Variants in ANK2 observed in about 807,000 individuals in gnomAD.
The protein encoded by ANK2 is ankyrin-2.
ANK2 carries 83 observed loss-of-function variants against 360.5 expected under a neutral mutation model. That is an observed-to-expected ratio of 0.23 (90% CI 0.19 to 0.28). The LOEUF is 0.28. Among genes scored for constraint, ANK2 ranks in the 10% least tolerant of loss-of-function variants. ANK2 has a pLI of 1.00. For missense variants in ANK2, 4,201 were observed against 4,795.7 expected (o/e 0.88, Z 3.66); for synonymous variants, 1,740 against 1,759.5 (o/e 0.99, Z 0.28).
Position 113,352,904 on chromosome 4 carries a change from T to C in ANK2, c.4427-141T>C, listed in dbSNP as rs187487817. Reference sequence around the variant, plus strand: ...CTTGTACCCTGAGGCCTTGTGGATCTACCATTCCCAGCCCATTTTGTTGCC... The same window carrying C: ...CTTGTACCCTGAGGCCTTGTGGATCCACCATTCCCAGCCCATTTTGTTGCC... On this transcript the variant is annotated intron_variant, in intron 37 of 45. Transcript: ENST00000357077. 5.7e-6 allele frequency: 5 copies of C among 877,254 alleles called. No homozygotes were observed. The East Asian group carries it at 7.6e-5, about 13-fold the overall frequency. 54.3% of individuals were successfully genotyped at this position (877,254 alleles called of 1,614,324 possible).
At chr4:113,001,348 A>G (rs2050596772) in intron 2 of ANK2, among the ~76,000 whole-genome samples, 1 of 151,608 alleles carries the variant, frequency 6.6e-6, no homozygotes, top group South Asian at 2.1e-4. Context: ...AAAAAAAAAA[A>G]AAAGGTGAAA....
chr4:113,194,049 T>G (rs1017907965), intron 2 of ANK2, among the ~76,000 whole-genome samples: 1 of 152,222 alleles, frequency 6.6e-6, no homozygotes, highest in Admixed American at 6.5e-5. Context: ...TGTTTAATAA[T>G]AAGTATTTGG....
chr4:112,850,808 G>A (rs906310711), intron 1 of ANK2, among the ~76,000 whole-genome samples: 3 of 151,842 alleles, frequency 2.0e-5, no homozygotes, highest in East Asian at 1.9e-4. Flanking sequence ...AAGTCACTGC[G>A]CCTGACCTTC....
chr4:112,915,236 A>G (rs529482147), intron 2 of ANK2, among the ~76,000 whole-genome samples: 1 of 152,212 alleles, frequency 6.6e-6, no homozygotes, highest in South Asian at 2.1e-4. Flanking sequence ...ATCCTCAGGG[A>G]CTCAAAGTTC....
intron 2 of ANK2, among the ~76,000 whole-genome samples, chr4:113,017,067 C>T (rs1190324401): frequency 6.6e-6 from 1 of 152,172 alleles, no homozygotes; most frequent in Non-Finnish European, 1.5e-5. Flanking sequence ...ATGTTATGAA[C>T]ACCTACAGTG....
At chr4:113,030,444 T>C (rs2060159139) in intron 2 of ANK2, among the ~76,000 whole-genome samples, 1 of 152,126 alleles carries the variant, frequency 6.6e-6, no homozygotes, top group African/African-American at 2.4e-5. Context: ...AATATGTCTG[T>C]CAGATTTGTC....
At chr4:112,805,130 A>T in the ANK2 span, among the ~76,000 whole-genome samples, 2 of 152,198 alleles carry the variant, frequency 1.3e-5, no homozygotes, top group Non-Finnish European at 2.9e-5. Flanking sequence ...TCATCCCTGA[A>T]TGCGAAGTAG....
intron 1 of ANK2, among the ~76,000 whole-genome samples, chr4:112,890,556 GTTTTTTTTTTTTT>G (rs754680934): frequency 2.4e-4 from 16 of 67,458 alleles, no homozygotes; most frequent in African/African-American, 7.2e-4. Flanking sequence ...CATTTCTGTG[GTTTTTTTTTTTTT>G]TTTTTTTTTT....
In ANK2 at chr4:113,278,473, C is replaced by T. The variant is rs1227348149; in HGVS notation, c.1796C>T (p.Pro599Leu). ...CACCCTTTACAGAACGGCCTTACCC[C>T]GCTCCATGTTGCTGCTCATTATGAC... ...ADSAGKNGLT[P>L]LHVAAHYDNQ... is the part of the protein sequence containing the mutation. Residue 599 changes from proline (P) to leucine (L), a missense_variant, in exon 17 of 46, where the codon CCG becomes CTG. By Grantham distance (98) the Pro-to-Leu change is moderately conservative. This residue lies in a region of ANK2 where 1,268 missense variants were observed against 1,650.8 expected (regional missense o/e 0.77). Coordinates refer to ENST00000357077, the MANE Select transcript of ANK2 (RefSeq NM_001148.6). 1 of 1,613,938 alleles carries T rather than the reference C, an allele frequency of 6.2e-7. No homozygotes were observed. Among genetic ancestry groups the T allele is most frequent in the South Asian group, 1.1e-5 (1 of 91,066 alleles).
chr4:113,273,811 A>G (rs902543208), intron 14 of ANK2, among the ~76,000 whole-genome samples: 1 of 152,224 alleles, frequency 6.6e-6, no homozygotes, highest in African/African-American at 2.4e-5. Context: ...AATGGAAAGT[A>G]CTTGGCAAAT....
intron 4 of ANK2, among the ~76,000 whole-genome samples, chr4:113,216,044 C>T (rs949289440): frequency 6.6e-6 from 1 of 152,124 alleles, no homozygotes; most frequent in African/African-American, 2.4e-5. Flanking sequence ...ACTGTTAAAT[C>T]GGGCTACTCT....
chr4:113,195,167 A>C, intron 2 of ANK2, among the ~76,000 whole-genome samples: 1 of 152,126 alleles, frequency 6.6e-6, no homozygotes, highest in East Asian at 1.9e-4. Flanking sequence ...GACCCTATCA[A>C]GAATATCAAG....
At chr4:113,075,871 C>G (rs1407396653) in intron 1 of ANK2, among the ~76,000 whole-genome samples, 1 of 152,126 alleles carries the variant, frequency 6.6e-6, no homozygotes, top group South Asian at 2.1e-4. Context: ...GCAACAAGAT[C>G]TTAGTATACT....
At chr4:113,017,512 T>C (rs1190911649) in intron 2 of ANK2, among the ~76,000 whole-genome samples, 1 of 152,220 alleles carries the variant, frequency 6.6e-6, no homozygotes, top group African/African-American at 2.4e-5. Flanking sequence ...AAATTAGAAC[T>C]ATCATACATT....
At chr4:113,154,641 G>A (rs6818600) in intron 1 of ANK2, among the ~76,000 whole-genome samples, 104,595 of 152,124 alleles carry the variant, frequency 0.69, 36,592 homozygotes, top group African/African-American at 0.81. Flanking sequence ...TAAATCTGTA[G>A]AATTAATTAT....
At chr4:113,118,869 C>CGG (rs1250875054) in intron 1 of ANK2, among the ~76,000 whole-genome samples, 3 of 152,106 alleles carry the variant, frequency 2.0e-5, no homozygotes, top group Admixed American at 6.6e-5. Flanking sequence ...TCTTGGCTAG[C>CGG]GGCCCTTGTC....
At chr4:113,191,454 A>T (rs796712157) in intron 2 of ANK2, among the ~76,000 whole-genome samples, 13 of 152,338 alleles carry the variant, frequency 8.5e-5, no homozygotes, top group African/African-American at 2.9e-4. Flanking sequence ...AGCTCCTTTT[A>T]CCCATCTACT....
chr4:113,082,331 G>A (rs1055997904), intron 1 of ANK2, among the ~76,000 whole-genome samples: 1 of 151,962 alleles, frequency 6.6e-6, no homozygotes, highest in Non-Finnish European at 1.5e-5. Flanking sequence ...GGAGAGTGGG[G>A]TCTCACTATA....
At position 112,859,091 on chromosome 4, in the gene ANK2, G is replaced by A. The variant is rs147672510; in HGVS notation, c.-40+40827G>A. ...TCCTAGAACTTTCCATGAAAACCTC[G>A]CTCGGAGGCAGACACAAGAAAAGGT... is the stretch of plus-strand genomic sequence containing the variant. On this transcript the variant is annotated intron_variant, in intron 1 of 30. Transcript: ENST00000503271. Among the ~76,000 whole-genome samples the A allele has an allele frequency of 1.7e-3, 255 of 152,252 alleles. 1 individual carries two copies. Among genetic ancestry groups the A allele is most frequent in the Admixed American group, 5.2e-3 (79 of 15,298 alleles).
Sources: gnomAD v4.1 joint callset for allele counts (sites outside exome capture counted in the v4.1 genomes callset) on GRCh38, gnomAD v4.1.1 for gene constraint, gnomAD v4.1.1 regional missense constraint, MANE v1.5 for transcripts, NCBI Gene and HGNC (gene_info 2026-07-23, HGNC 2026-07-21) for gene names.